Variants in UTRN observed in about 807,000 individuals in gnomAD.
The protein encoded by UTRN is utrophin.
UTRN carries 283 observed loss-of-function variants against 463.9 expected under a neutral mutation model. That is an observed-to-expected ratio of 0.61 (90% CI 0.55 to 0.67). The LOEUF (loss-of-function observed/expected upper bound fraction) is 0.67, where lower values mean the gene tolerates loss of function less well. Ranked by LOEUF, UTRN falls within the 30% of genes least tolerant of loss-of-function variation. The pLI is 0.00. For synonymous variants in UTRN, 1,442 were observed against 1,431.5 expected (o/e 1.01, Z -0.17); for missense variants, 3,922 against 4,084.3 (o/e 0.96, Z 1.08).
At chr6:144,693,840 A>G (rs971400124) in intron 52 of UTRN, among the ~76,000 whole-genome samples, 3 of 152,214 alleles carry the variant, frequency 2.0e-5, no homozygotes, top group African/African-American at 7.2e-5. Context: ...ACCTGCAAAC[A>G]GATATAGTTT....
intron 2 of UTRN, among the ~76,000 whole-genome samples, chr6:144,353,637 A>G (rs1778306528): frequency 6.6e-6 from 1 of 152,212 alleles, no homozygotes; most frequent in African/African-American, 2.4e-5. Flanking sequence ...ATTAGAAATA[A>G]GAAAACAGTA....
chr6:144,487,598 A>C lies in UTRN; in HGVS notation c.3873A>C (p.Arg1291=). 6.2e-7 allele frequency: 1 copy of C among 1,613,532 alleles called. No individual in the cohort carries two copies. The highest frequency in any genetic ancestry group is 8.5e-7 in the Non-Finnish European group (1 of 1,179,698). ...CGGCAGATAATCGCACCCAGATTCG[A>C]GAGCTTGGCCAGACTCTGATTGATG... The part of the protein sequence containing the change: ...RHPADNRTQI[R]ELGQTLIDGG... The change falls in exon 29 of 75, where the codon CGA becomes CGC. Residue 1291 remains arginine (R), a synonymous_variant. Coordinates refer to ENST00000367545, the MANE Select transcript of UTRN (RefSeq NM_007124.3).
At chr6:144,488,587 G>C in intron 29 of UTRN, 86 bp from the exon 30 acceptor site, 1 of 1,316,032 alleles carries the variant, frequency 7.6e-7, no homozygotes, top group Non-Finnish European at 1.0e-6. Context: ...AAGCTTTTAT[G>C]GTCTTTTCTT....
chr6:144,448,734 G>T lies in UTRN; in HGVS notation c.2037G>T (p.Lys679Asn), dbSNP rs56347677. Reference sequence around the variant, plus strand: ...TGCCTCCTCCTCCTCCCCCAAAGAAGAGACAGATCCATGTGGATATTGAAG... The same window carrying T: ...TGCCTCCTCCTCCTCCCCCAAAGAATAGACAGATCCATGTGGATATTGAAG... ...QELPPPPPPKKRQIHVDIEAK... is the reference protein window; with the variant it reads ...QELPPPPPPKNRQIHVDIEAK... The change falls in exon 17 of 75, where the codon AAG becomes AAT. Residue 679 changes from lysine to asparagine, a missense_variant. Physicochemically the swap from Lys to Asn is moderately conservative, Grantham distance 94. This residue lies in a region of UTRN where 2,349 missense variants were observed against 2,303.8 expected (regional missense o/e 1.02). Coordinates refer to ENST00000367545, the MANE Select transcript of UTRN (RefSeq NM_007124.3). 2,525 of 1,613,976 alleles carry T rather than the reference G, an allele frequency of 1.6e-3. 1 individual carries two copies. Among genetic ancestry groups the T allele is most frequent in the Non-Finnish European group, 2.1e-3 (2,449 of 1,179,946 alleles).
At chr6:144,597,375 G>A (rs569623637) in intron 51 of UTRN, among the ~76,000 whole-genome samples, 1 of 152,216 alleles carries the variant, frequency 6.6e-6, no homozygotes, top group East Asian at 1.9e-4. Context: ...AGCTAGGCAT[G>A]CCTACTATAA....
chr6:144,380,058 A>G (rs1286334763), intron 2 of UTRN, among the ~76,000 whole-genome samples: 1 of 152,208 alleles, frequency 6.6e-6, no homozygotes, highest in Non-Finnish European at 1.5e-5. Context: ...TGAAGAATGA[A>G]TAAATAAATG....
At chr6:144,702,428 G>A (rs896374965) in intron 53 of UTRN, among the ~76,000 whole-genome samples, 1 of 152,178 alleles carries the variant, frequency 6.6e-6, no homozygotes, top group African/African-American at 2.4e-5. Flanking sequence ...TATTTATTGA[G>A]TGCCTAATAT....
intron 32 of UTRN, among the ~76,000 whole-genome samples, 184 bp downstream of exon 32, chr6:144,491,286 A>G (rs1793051904): frequency 6.6e-6 from 1 of 152,228 alleles, no homozygotes; most frequent in Non-Finnish European, 1.5e-5. Flanking sequence ...AGAAATTAGA[A>G]GAGATAAGAG....
In UTRN at chr6:144,694,148, A is replaced by C. The variant is rs956610112; in HGVS notation, c.7653-5939A>C. Among the ~76,000 whole-genome samples the C allele has an allele frequency of 4.0e-5, 6 of 151,890 alleles. No individual in the cohort carries two copies. The East Asian group carries it at 1.2e-3, about 30-fold the overall frequency. ...CTTTTCTGCATGTATTGAGATAATC[A>C]TGTGGTTTTTGTCTTGTTCTGTTTA... On this transcript the variant is annotated intron_variant, in intron 52 of 74. Transcript: ENST00000367545.
chr6:144,698,641 T>C (rs535182527), intron 52 of UTRN, among the ~76,000 whole-genome samples: 16 of 152,354 alleles, frequency 1.1e-4, no homozygotes, highest in Middle Eastern at 3.4e-3. Context: ...TGGAGTTGTT[T>C]CTGACTGATC....
intron 9 of UTRN, among the ~76,000 whole-genome samples, chr6:144,431,859 C>T (rs1387322011): frequency 2.6e-5 from 4 of 152,136 alleles, no homozygotes; most frequent in Non-Finnish European, 5.9e-5. Context: ...TCCACTGTTT[C>T]GACTCTGTGC....
intron 2 of UTRN, among the ~76,000 whole-genome samples, chr6:144,365,632 T>G (rs997387327): frequency 6.6e-6 from 1 of 152,260 alleles, no homozygotes; most frequent in Non-Finnish European, 1.5e-5. Flanking sequence ...AAAGTGGGAT[T>G]TAAATAACTC....
At chr6:144,480,006 A>T in intron 26 of UTRN, 24 bp downstream of exon 26, 1 of 1,607,292 alleles carries the variant, frequency 6.2e-7, no homozygotes, top group Non-Finnish European at 8.5e-7. Context: ...GACCAGTGCC[A>T]ACAGGCTTCA....
At chr6:144,625,159 G>C (rs562900135) in intron 51 of UTRN, among the ~76,000 whole-genome samples, 2 of 152,272 alleles carry the variant, frequency 1.3e-5, no homozygotes, top group Middle Eastern at 3.4e-3. Context: ...AAGAAATAGT[G>C]TGATGCCCCC....
At chr6:144,355,410 G>T (rs1035880815) in intron 2 of UTRN, among the ~76,000 whole-genome samples, 2 of 151,990 alleles carry the variant, frequency 1.3e-5, no homozygotes, top group Non-Finnish European at 2.9e-5. Context: ...TGCTTCTCAG[G>T]TTGGTCTTGA....
At chr6:144,841,781 G>A (rs1781595117) in intron 73 of UTRN, among the ~76,000 whole-genome samples, 1 of 152,054 alleles carries the variant, frequency 6.6e-6, no homozygotes, top group South Asian at 2.1e-4. Flanking sequence ...GTAAAGCATA[G>A]CCTCTTATTT....
At chr6:144,822,557 A>G (rs1004814704) in intron 66 of UTRN, among the ~76,000 whole-genome samples, 1 of 152,130 alleles carries the variant, frequency 6.6e-6, no homozygotes, top group African/African-American at 2.4e-5. Flanking sequence ...TCTTTTGCAT[A>G]GTACAATTTA....
At chr6:144,540,860 A>G (rs530919781) in intron 45 of UTRN, among the ~76,000 whole-genome samples, 3 of 152,362 alleles carry the variant, frequency 2.0e-5, no homozygotes, top group African/African-American at 4.8e-5. Flanking sequence ...TATGTGTGAT[A>G]AGGCAAATGT....
intron 52 of UTRN, among the ~76,000 whole-genome samples, chr6:144,698,518 T>C (rs1270848886): frequency 1.3e-5 from 2 of 152,226 alleles, no homozygotes; most frequent in African/African-American, 2.4e-5. Context: ...TCAAAGATCA[T>C]GGGCAGTCAC....
Sources: gnomAD v4.1 joint callset for allele counts (sites outside exome capture counted in the v4.1 genomes callset) on GRCh38, gnomAD v4.1.1 for gene constraint, gnomAD v4.1.1 regional missense constraint, MANE v1.5 for transcripts, NCBI Gene and HGNC (gene_info 2026-07-23, HGNC 2026-07-21) for gene names.